The following IGF2BP3 variants were observed in gnomAD, a reference collection of about 807,000 sequenced individuals.
The protein encoded by IGF2BP3 is insulin-like growth factor 2 mRNA-binding protein 3.
A neutral mutation model predicts 73.8 loss-of-function variants in IGF2BP3; 9 were observed. The ratio of observed to expected loss-of-function variants is 0.12; its 90% CI spans 0.07 to 0.21. The LOEUF (loss-of-function observed/expected upper bound fraction) is 0.21. Ranked by LOEUF, IGF2BP3 falls within the 10% of genes least tolerant of loss-of-function variation. IGF2BP3 has a pLI of 1.00. For synonymous variants in IGF2BP3, 258 were observed against 256.7 expected, an observed-to-expected ratio of 1.01 and a Z score of -0.05; for missense variants, 542 against 714.0, an observed-to-expected ratio of 0.76 and a Z score of 2.75.
intron 10 of IGF2BP3, among the ~76,000 whole-genome samples, chr7:23,320,832 C>A (rs188609360): frequency 1.3e-5 from 2 of 150,794 alleles, no homozygotes; most frequent in African/African-American, 4.9e-5. Context: ...CCTGTGGTCC[C>A]AGATACTCAG....
intron 12 of IGF2BP3, among the ~76,000 whole-genome samples, chr7:23,314,854 A>G (rs1006355721): frequency 2.6e-5 from 4 of 152,086 alleles, no homozygotes; most frequent in Admixed American, 2.6e-4. Context: ...CTGAAGTGCA[A>G]TGGCATGGTT....
Position 23,382,026 on chromosome 7 carries a change from C to T in IGF2BP3, c.286-20285G>A, listed in dbSNP as rs921457727. Among the ~76,000 whole-genome samples the T allele has an allele frequency of 5.3e-5, 8 of 152,190 alleles. No individual in the cohort carries two copies. In the East Asian group the frequency reaches 1.4e-3, roughly 26 times the overall value. On this transcript the variant is annotated intron_variant, in intron 3 of 14. Transcript: ENST00000258729. ...ATCCCAGCACCTTGGGAGGCTGAGGCGGGAGAATCACTCAAGCTCAGGAGA... is the reference window on the plus strand; with the variant it reads ...ATCCCAGCACCTTGGGAGGCTGAGGTGGGAGAATCACTCAAGCTCAGGAGA...
At chr7:23,377,242 T>C (rs1178497353) in intron 3 of IGF2BP3, among the ~76,000 whole-genome samples, 1 of 152,162 alleles carries the variant, frequency 6.6e-6, no homozygotes, top group Admixed American at 6.5e-5. Flanking sequence ...ATAAGGGACT[T>C]ACATCTAGCA....
intron 10 of IGF2BP3, among the ~76,000 whole-genome samples, chr7:23,319,681 A>G (rs955801330): frequency 3.3e-5 from 5 of 152,196 alleles, no homozygotes; most frequent in Admixed American, 6.5e-5. Flanking sequence ...CGCCAGCTCC[A>G]CACCTTATCT....
chr7:23,334,134 G>A (rs956209465), intron 10 of IGF2BP3, among the ~76,000 whole-genome samples: 1 of 152,084 alleles, frequency 6.6e-6, no homozygotes, highest in Non-Finnish European at 1.5e-5. Context: ...TCAGGAGTTC[G>A]AGACCAGCTG....
intron 3 of IGF2BP3, among the ~76,000 whole-genome samples, chr7:23,386,306 C>A (rs1248407428): frequency 6.6e-6 from 1 of 152,142 alleles, no homozygotes; most frequent in East Asian, 1.9e-4. Context: ...ATAAAAGGAA[C>A]CAAAGCTCCT....
At chr7:23,468,676 C>G (rs1203722966) in intron 1 of IGF2BP3, 134 bp from the exon 2 acceptor site, 6 of 853,314 alleles carry the variant, frequency 7.0e-6, no homozygotes, top group Non-Finnish European at 1.2e-5. Flanking sequence ...GGACGCGGCT[C>G]CAGGCGGAGG....
chr7:23,352,082 A>C (rs914788481), intron 5 of IGF2BP3, among the ~76,000 whole-genome samples: 1 of 152,134 alleles, frequency 6.6e-6, no homozygotes, highest in Non-Finnish European at 1.5e-5. Flanking sequence ...CAGTGGACAA[A>C]TATCTCTAAA....
chr7:23,469,882 G>A lies in IGF2BP3; in HGVS notation c.175+54C>T, dbSNP rs1788673688. ...CCGCGGAGCCACCCGGTGGGCCTGG[G>A]CGGGCGGTGCAGGGCTGGGGCGAGA... On this transcript the variant is annotated intron_variant, in intron 1 of 14. Coordinates refer to ENST00000258729, the MANE Select transcript of IGF2BP3 (RefSeq NM_006547.3). The surrounding 1 kb of genome is among the most constrained non-coding windows in gnomAD (Gnocchi z 6.1). 2.3e-6 allele frequency: 3 copies of A among 1,290,454 alleles called. No individual in the cohort carries two copies. The highest frequency in any genetic ancestry group is 5.8e-5 in the East Asian group (2 of 34,426). The allele number at this position is 1,290,454 out of a possible 1,614,324, so 79.9% of individuals were successfully genotyped here.
Position 23,464,617 on chromosome 7 carries a change from G to A in IGF2BP3, c.236+3865C>T, listed in dbSNP as rs1363010455. Among the ~76,000 whole-genome samples the A allele has an allele frequency of 5.9e-5, 9 of 151,996 alleles. 1 individual carries two copies. Among genetic ancestry groups the A allele is most frequent in the Admixed American group, 5.9e-4 (9 of 15,234 alleles). On this transcript the variant is annotated intron_variant, in intron 2 of 14. Transcript: ENST00000258729. The stretch of plus-strand genomic sequence containing the variant: ...AAGGATCGCTTGAACCTGGGAGGCA[G>A]AGGTTGCAGTGAGCCGAGATCGTGC...
At chr7:23,399,380 A>T (rs966314952) in intron 3 of IGF2BP3, among the ~76,000 whole-genome samples, 9 of 150,582 alleles carry the variant, frequency 6.0e-5, no homozygotes, top group African/African-American at 2.0e-4. Flanking sequence ...CCTAAAACTT[A>T]AAGTATAATA....
chr7:23,380,340 T>G (rs1448695794), intron 3 of IGF2BP3, among the ~76,000 whole-genome samples: 1 of 151,840 alleles, frequency 6.6e-6, no homozygotes, highest in African/African-American at 2.4e-5. Context: ...TTTTTTGTAT[T>G]TTTTAGTAGA....
chr7:23,374,711 A>G (rs1785662782), intron 3 of IGF2BP3, among the ~76,000 whole-genome samples: 1 of 151,880 alleles, frequency 6.6e-6, no homozygotes, highest in Non-Finnish European at 1.5e-5. Flanking sequence ...TAAATAAGTA[A>G]AAGTATAAAA....
At chr7:23,389,428 G>A (rs777910633) in intron 3 of IGF2BP3, among the ~76,000 whole-genome samples, 8 of 152,128 alleles carry the variant, frequency 5.3e-5, no homozygotes, top group Non-Finnish European at 7.4e-5. Flanking sequence ...CCAAAGTGCT[G>A]GGATTTACAG....
chr7:23,348,258 A>ACAG (rs1784880075), intron 6 of IGF2BP3, among the ~76,000 whole-genome samples: 2 of 152,356 alleles, frequency 1.3e-5, no homozygotes, highest in Non-Finnish European at 2.9e-5. Flanking sequence ...AGTGATAGGA[A>ACAG]TGGAACCTGG....
At chr7:23,373,725 T>C (rs73281608) in intron 3 of IGF2BP3, among the ~76,000 whole-genome samples, 2,608 of 152,318 alleles carry the variant, frequency 0.017, 69 homozygotes, top group African/African-American at 0.06. Flanking sequence ...ACATTGTGTC[T>C]TCTTCGAATC....
intron 3 of IGF2BP3, among the ~76,000 whole-genome samples, chr7:23,385,441 C>T (rs149199822): frequency 1.3e-5 from 2 of 152,258 alleles, no homozygotes; most frequent in African/African-American, 2.4e-5. Flanking sequence ...TAGTATGAGA[C>T]ATAGCCTGGA....
intron 3 of IGF2BP3, among the ~76,000 whole-genome samples, chr7:23,393,401 T>C (rs943609105): frequency 6.6e-6 from 1 of 152,228 alleles, no homozygotes; most frequent in African/African-American, 2.4e-5. Context: ...TGTGATCTTC[T>C]ATTCACTGAA....
intron 2 of IGF2BP3, among the ~76,000 whole-genome samples, chr7:23,429,067 T>A (rs914477045): frequency 5.3e-5 from 8 of 152,204 alleles, no homozygotes; most frequent in Admixed American, 3.3e-4. Context: ...CATGGATCCT[T>A]GATCCCTTTT....
Sources: gnomAD v4.1 joint callset for allele counts (sites outside exome capture counted in the v4.1 genomes callset) on GRCh38, gnomAD v4.1.1 for gene constraint, Gnocchi (gnomAD v3.1) non-coding constraint, MANE v1.5 for transcripts, NCBI Gene and HGNC (gene_info 2026-07-23, HGNC 2026-07-21) for gene names.